ANK2: variants seen among roughly 807,000 people sequenced by gnomAD.
ANK2 encodes ankyrin-2.
ANK2 carries 83 observed loss-of-function variants against 360.5 expected under a neutral mutation model. The observed-to-expected ratio is 0.23, with a 90% confidence interval of 0.19 to 0.28. The LOEUF (loss-of-function observed/expected upper bound fraction) is 0.28, where lower values mean the gene tolerates loss of function less well. Among genes scored for constraint, ANK2 ranks in the 10% least tolerant of loss-of-function variants. The probability of loss-of-function intolerance (pLI) is 1.00; values close to 1 mark genes in which losing one functional copy is unlikely to be tolerated. For synonymous variants in ANK2, 1,740 were observed against 1,759.5 expected (o/e 0.99, Z 0.28); for missense variants, 4,201 against 4,795.7 (o/e 0.88, Z 3.66).
At chr4:113,097,851 T>C (rs112390262) in intron 1 of ANK2, among the ~76,000 whole-genome samples, 28,627 of 63,956 alleles carry the variant, frequency 0.45, 3,490 homozygotes, top group East Asian at 0.62. Context: ...TGTGTGTGTG[T>C]GTGTGTGTGT....
intron 2 of ANK2, among the ~76,000 whole-genome samples, chr4:112,913,878 C>A (rs868451073): frequency 4.9e-4 from 74 of 152,194 alleles, no homozygotes; most frequent in African/African-American, 1.7e-3. Context: ...AATATTTTTT[C>A]TCTATATATT....
intron 2 of ANK2, among the ~76,000 whole-genome samples, chr4:113,028,950 G>T (rs1402002814): frequency 6.6e-6 from 1 of 152,046 alleles, no homozygotes; most frequent in East Asian, 1.9e-4. Flanking sequence ...CTCAATCATG[G>T]TGTATTAATA....
intron 10 of ANK2, among the ~76,000 whole-genome samples, chr4:113,253,137 G>T (rs540521882): frequency 6.6e-6 from 1 of 152,112 alleles, no homozygotes; most frequent in South Asian, 2.1e-4. Context: ...ATTCTCTCCC[G>T]TTACTATCAT....
chr4:112,741,297 C>G, the ANK2 span, among the ~76,000 whole-genome samples: 3 of 152,178 alleles, frequency 2.0e-5, no homozygotes, highest in African/African-American at 4.8e-5. Flanking sequence ...ATTCACTGAG[C>G]TGACTATTTC....
At chr4:113,342,629 G>A (rs1300013597) in intron 33 of ANK2, among the ~76,000 whole-genome samples, 1 of 152,068 alleles carries the variant, frequency 6.6e-6, no homozygotes, top group East Asian at 1.9e-4. Flanking sequence ...GAACCCGGGA[G>A]GCGGAGGTTG....
intron 2 of ANK2, among the ~76,000 whole-genome samples, chr4:113,040,455 C>T (rs1376548418): frequency 6.6e-6 from 1 of 151,860 alleles, no homozygotes; most frequent in Non-Finnish European, 1.5e-5. Context: ...TGGTATAAAG[C>T]GAAAACAAGC....
chr4:113,050,059 T>G (rs1026750358), intron 1 of ANK2, among the ~76,000 whole-genome samples: 2 of 152,222 alleles, frequency 1.3e-5, no homozygotes, highest in South Asian at 4.1e-4. Flanking sequence ...TAAGGTGTGT[T>G]CCACATGTGG....
intron 26 of ANK2, among the ~76,000 whole-genome samples, chr4:113,324,423 T>C (rs1427460992): frequency 6.6e-6 from 1 of 152,232 alleles, no homozygotes; most frequent in Non-Finnish European, 1.5e-5. Flanking sequence ...CTAATTATAG[T>C]ATTTTTATTA....
chr4:113,172,714 A>G (rs2098028923), intron 1 of ANK2, among the ~76,000 whole-genome samples: 1 of 152,200 alleles, frequency 6.6e-6, no homozygotes, highest in Non-Finnish European at 1.5e-5. Flanking sequence ...ATACAGGAAT[A>G]ATATGTTCGT....
At chr4:112,740,789 A>G in the ANK2 span, among the ~76,000 whole-genome samples, 2 of 152,122 alleles carry the variant, frequency 1.3e-5, no homozygotes, top group Non-Finnish European at 2.9e-5. Context: ...CAAAAGTTCG[A>G]GACCAGGCTG....
At chr4:113,006,265 C>T (rs926268478) in intron 2 of ANK2, among the ~76,000 whole-genome samples, 2 of 152,136 alleles carry the variant, frequency 1.3e-5, no homozygotes, top group Non-Finnish European at 2.9e-5. Context: ...GTTACAAACA[C>T]ATCTACCTCA....
In ANK2 at chr4:113,049,674, C is replaced by T; in HGVS notation, c.-55C>T. 6.6e-7 allele frequency: 1 copy of T among 1,521,670 alleles called. No homozygotes were observed. The highest frequency in any genetic ancestry group is 2.6e-5 in the East Asian group (1 of 38,038). The allele number at this position is 1,521,670 out of a possible 1,614,324, so 94.3% of individuals were successfully genotyped here. ...CAGTAAGTGCATACCCGCTAGTGGT[C>T]TGTACAGGCGGCACGGTTTGATGGC... On this transcript the variant is annotated 5_prime_UTR_variant, in exon 1 of 46. Transcript: ENST00000357077.
At chr4:113,159,607 A>AT (rs1018818158) in intron 1 of ANK2, among the ~76,000 whole-genome samples, 91 of 148,560 alleles carry the variant, frequency 6.1e-4, no homozygotes, top group East Asian at 2.4e-3. Flanking sequence ...TTATTTCTTT[A>AT]TTTTTTTTTT....
intron 2 of ANK2, among the ~76,000 whole-genome samples, chr4:113,006,926 C>G (rs1351299351): frequency 6.6e-6 from 1 of 152,036 alleles, no homozygotes; most frequent in Non-Finnish European, 1.5e-5. Context: ...AAATTTTGTA[C>G]TTTAAAAATT....
chr4:113,156,600 T>C (rs530544130), intron 1 of ANK2, among the ~76,000 whole-genome samples: 1 of 152,004 alleles, frequency 6.6e-6, no homozygotes, highest in African/African-American at 2.4e-5. Flanking sequence ...TGAGCTCAAA[T>C]GATCTGTCTT....
At chr4:112,969,638 A>G (rs2038708609) in intron 2 of ANK2, among the ~76,000 whole-genome samples, 1 of 152,172 alleles carries the variant, frequency 6.6e-6, no homozygotes, top group South Asian at 2.1e-4. Flanking sequence ...GGAGGAGAAA[A>G]ACTCAAGCAA....
At chr4:112,758,810 G>A in the ANK2 span, among the ~76,000 whole-genome samples, 1 of 152,142 alleles carries the variant, frequency 6.6e-6, no homozygotes, top group Non-Finnish European at 1.5e-5. Flanking sequence ...TCTGCTAATA[G>A]GAATACTGGC....
intron 1 of ANK2, among the ~76,000 whole-genome samples, chr4:113,120,854 A>G (rs997002696): frequency 1.3e-5 from 2 of 152,132 alleles, no homozygotes; most frequent in Non-Finnish European, 2.9e-5. Context: ...TAAGAACATA[A>G]AGTATATATT....
chr4:112,987,300 G>A (rs115766874), intron 2 of ANK2, among the ~76,000 whole-genome samples: 1,812 of 152,334 alleles, frequency 0.012, 19 homozygotes, highest in African/African-American at 0.021. Context: ...GGAATGGGCA[G>A]TGCTGGGCTG....
Sources: allele counts gnomAD v4.1 joint callset (sites outside exome capture counted in the v4.1 genomes callset), GRCh38; gene constraint gnomAD v4.1.1; transcripts MANE v1.5; gene names NCBI Gene and HGNC (gene_info 2026-07-23, HGNC 2026-07-21).